The following PLEKHO2 variants were observed in gnomAD, a reference collection of about 807,000 sequenced individuals.
PLEKHO2 encodes pleckstrin homology domain-containing family O member 2.
Under a neutral mutation model 32.7 loss-of-function variants are expected in PLEKHO2, and 20 were observed. The ratio of observed to expected loss-of-function variants is 0.61; its 90% CI spans 0.43 to 0.89. The LOEUF is 0.89. PLEKHO2 is among the 40% of genes least tolerant of loss of function. The pLI, the probability that PLEKHO2 is intolerant of heterozygous loss-of-function variation, is 0.00. For synonymous variants in PLEKHO2, 247 were observed against 246.3 expected, an observed-to-expected ratio of 1.00 and a Z score of -0.03; for missense variants, 568 against 621.2, an observed-to-expected ratio of 0.91 and a Z score of 0.91.
intron 4 of PLEKHO2, among the ~76,000 whole-genome samples, chr15:64,860,752 A>G (rs2084635310): frequency 6.6e-6 from 1 of 152,206 alleles, no homozygotes; most frequent in Non-Finnish European, 1.5e-5. Flanking sequence ...ACCTAGGGGA[A>G]AAGTGTCCCC....
intron 1 of PLEKHO2, among the ~76,000 whole-genome samples, chr15:64,844,209 C>T (rs1212052904): frequency 1.3e-5 from 2 of 152,212 alleles, no homozygotes; most frequent in African/African-American, 4.8e-5. Flanking sequence ...CAGCTTCCTC[C>T]CTGTGCCCGG....
intron 2 of PLEKHO2, among the ~76,000 whole-genome samples, chr15:64,851,327 G>T (rs1333435628): frequency 6.6e-6 from 1 of 152,196 alleles, no homozygotes; most frequent in Non-Finnish European, 1.5e-5. Flanking sequence ...ACAGGCTTCA[G>T]CTGTCAGCCT....
At position 64,842,855 on chromosome 15, in the gene PLEKHO2, G is replaced by A. The variant is rs536437681; in HGVS notation, c.12+827G>A. Among the ~76,000 whole-genome samples, 80 of 152,270 alleles carry A rather than the reference G, an allele frequency of 5.3e-4. No homozygotes were observed. The Middle Eastern group carries it at 0.01, about 19-fold the overall frequency. On this transcript the variant is annotated intron_variant, in intron 1 of 5. Coordinates refer to ENST00000323544, the MANE Select transcript of PLEKHO2 (RefSeq NM_025201.5). ...TCTGCCAGCAGCCGCTTTATCCGAG[G>A]GTCCAGCACGCAGCAAGCACTTAAT...
chr15:64,849,975 A>T (rs1215236060), intron 2 of PLEKHO2, among the ~76,000 whole-genome samples: 1 of 151,648 alleles, frequency 6.6e-6, no homozygotes, highest in Non-Finnish European at 1.5e-5. Flanking sequence ...AGCCTGACCA[A>T]CGTGGAGAAA....
chr15:64,847,144 G>C (rs553106580), intron 1 of PLEKHO2, among the ~76,000 whole-genome samples: 72 of 152,266 alleles, frequency 4.7e-4, no homozygotes, highest in Non-Finnish European at 8.5e-4. Flanking sequence ...AGTTCAAAAG[G>C]GGGTGGGGGC....
chr15:64,846,380 T>C (rs1336068569), intron 1 of PLEKHO2, among the ~76,000 whole-genome samples: 1 of 151,670 alleles, frequency 6.6e-6, no homozygotes, highest in Non-Finnish European at 1.5e-5. Flanking sequence ...TGGTGCAATC[T>C]CGGCTCACCA....
In PLEKHO2 at chr15:64,865,726, T is replaced by C; in HGVS notation, c.1311T>C (p.Pro437=). The C allele has an allele frequency of 6.2e-7, 1 of 1,614,190 alleles. No homozygotes were observed. ...LNKVLGSEPA[P]VSAETLLSQA... ...AGGTGCTGGGCAGTGAGCCGGCCCCTGTTAGTGCCGAAACATTGCTCAGCC... is the reference window on the plus strand; with the variant it reads ...AGGTGCTGGGCAGTGAGCCGGCCCCCGTTAGTGCCGAAACATTGCTCAGCC... The change falls in exon 6 of 6, where the codon CCT becomes CCC. Residue 437 remains proline (P), a synonymous_variant. Coordinates refer to ENST00000323544, the MANE Select transcript of PLEKHO2 (RefSeq NM_025201.5).
chr15:64,847,226 G>A (rs149891211), intron 1 of PLEKHO2, among the ~76,000 whole-genome samples: 7 of 152,326 alleles, frequency 4.6e-5, no homozygotes, highest in Non-Finnish European at 1.0e-4. Flanking sequence ...CCCAGCTCCT[G>A]ACAGTGCACC....
chr15:64,865,093 G>A lies in PLEKHO2; in HGVS notation c.678G>A (p.Val226=), dbSNP rs145130868. ...CTGGTGACAGGGTGGAGACCCCTGT[G>A]GGGGAGAGAGCCCCAACCCCTGTCT... ...TSPGDRVETP[V]GERAPTPVSA... The change falls in exon 6 of 6, where the codon GTG becomes GTA. Residue 226 remains valine, a synonymous_variant. Coordinates refer to ENST00000323544, the MANE Select transcript of PLEKHO2 (RefSeq NM_025201.5). The A allele has an allele frequency of 1.6e-4, 251 of 1,613,954 alleles. No homozygotes were observed. The highest frequency in any genetic ancestry group is 2.0e-4 in the Non-Finnish European group (237 of 1,180,012).
At chr15:64,859,658 G>C (rs980113016) in intron 3 of PLEKHO2, among the ~76,000 whole-genome samples, 1 of 152,198 alleles carries the variant, frequency 6.6e-6, no homozygotes, top group Admixed American at 6.5e-5. Context: ...GACCAGATCC[G>C]GGCTCTTTCC....
At chr15:64,851,025 A>G (rs1347650635) in intron 2 of PLEKHO2, among the ~76,000 whole-genome samples, 1 of 152,210 alleles carries the variant, frequency 6.6e-6, no homozygotes, top group Non-Finnish European at 1.5e-5. Flanking sequence ...TCCCAGGACA[A>G]GAAAGATTAG....
Position 64,852,032 on chromosome 15 carries a change from G to A in PLEKHO2, c.163-2889G>A, listed in dbSNP as rs557531111. On this transcript the variant is annotated intron_variant, in intron 2 of 5. Transcript: ENST00000323544. ...GGCTGCTGCTTGTAGGGTGCAGTTGGGGGAACAGAAGGATAAGCAGATAGA... is the reference window on the plus strand; with the variant it reads ...GGCTGCTGCTTGTAGGGTGCAGTTGAGGGAACAGAAGGATAAGCAGATAGA... 3.3e-5 allele frequency among the ~76,000 whole-genome samples: 5 copies of A among 152,214 alleles called. No individual in the cohort carries two copies. In the South Asian group the frequency reaches 1.0e-3, roughly 32 times the overall value.
At chr15:64,849,400 C>A (rs895309110) in intron 2 of PLEKHO2, among the ~76,000 whole-genome samples, 1 of 151,654 alleles carries the variant, frequency 6.6e-6, no homozygotes, top group African/African-American at 2.4e-5. Flanking sequence ...CCCACCTTGG[C>A]CTCCCAAAGT....
chr15:64,851,014 G>A (rs2084563952), intron 2 of PLEKHO2, among the ~76,000 whole-genome samples: 2 of 152,186 alleles, frequency 1.3e-5, no homozygotes, highest in African/African-American at 4.8e-5. Context: ...ATTCACAGTT[G>A]TCCCAGGACA....
chr15:64,848,823 G>A, intron 2 of PLEKHO2, 81 bp downstream of exon 2: 1 of 1,569,586 alleles, frequency 6.4e-7, no homozygotes, highest in Non-Finnish European at 8.7e-7. Flanking sequence ...GGAGGACCCT[G>A]GGTCTGGGGC....
At chr15:64,853,037 G>C (rs973145167) in intron 2 of PLEKHO2, among the ~76,000 whole-genome samples, 24 of 150,848 alleles carry the variant, frequency 1.6e-4, no homozygotes, top group Non-Finnish European at 3.0e-4. Context: ...TACTCGGGGG[G>C]CTGAGGCCGG....
intron 2 of PLEKHO2, among the ~76,000 whole-genome samples, chr15:64,849,614 T>C (rs2084551240): frequency 6.6e-6 from 1 of 151,724 alleles, no homozygotes; most frequent in African/African-American, 2.4e-5. Flanking sequence ...CGGCTAATTT[T>C]GTATTTTTAG....
intron 1 of PLEKHO2, among the ~76,000 whole-genome samples, chr15:64,843,663 C>G (rs111231537): frequency 8.6e-4 from 130 of 151,818 alleles, no homozygotes; most frequent in African/African-American, 3.0e-3. Flanking sequence ...TCACCGCAAC[C>G]GCCACCTCCT....
chr15:64,854,095 G>C (rs1427880434), intron 2 of PLEKHO2, among the ~76,000 whole-genome samples: 3 of 152,202 alleles, frequency 2.0e-5, no homozygotes, highest in Non-Finnish European at 4.4e-5. Flanking sequence ...AGGACCAGTT[G>C]ACCACCACTG....
Sources: allele counts gnomAD v4.1 joint callset (sites outside exome capture counted in the v4.1 genomes callset), GRCh38; gene constraint gnomAD v4.1.1; transcripts MANE v1.5; gene names NCBI Gene and HGNC (gene_info 2026-07-23, HGNC 2026-07-21).